ZCCHC7: variants seen among roughly 807,000 people sequenced by gnomAD.
ZCCHC7 encodes the protein zinc finger CCHC domain-containing protein 7.
ZCCHC7 carries 35 observed loss-of-function variants against 52.0 expected under a neutral mutation model. The ratio of observed to expected loss-of-function variants is 0.67; its 90% CI spans 0.51 to 0.89. The LOEUF is 0.89. Among genes scored for constraint, ZCCHC7 ranks in the 40% least tolerant of loss-of-function variants. The pLI, the probability that ZCCHC7 is intolerant of heterozygous loss-of-function variation, is 0.00. For missense variants in ZCCHC7, 574 were observed against 649.1 expected (o/e 0.88, Z 1.26); for synonymous variants, 217 against 221.5 (o/e 0.98, Z 0.18).
chr9:37,265,080 A>C (rs1827038906), intron 2 of ZCCHC7, among the ~76,000 whole-genome samples: 1 of 152,208 alleles, frequency 6.6e-6, no homozygotes, highest in African/African-American at 2.4e-5. Flanking sequence ...CTCCTGGTTA[A>C]GAACTACATC....
At chr9:37,222,804 C>T (rs577567099) in intron 2 of ZCCHC7, among the ~76,000 whole-genome samples, 8 of 152,090 alleles carry the variant, frequency 5.3e-5, no homozygotes, top group Non-Finnish European at 7.4e-5. Flanking sequence ...ATAAAGTACC[C>T]TTAATCTAAT....
At chr9:37,169,356 G>T (rs1588418920) in intron 2 of ZCCHC7, among the ~76,000 whole-genome samples, 1 of 152,310 alleles carries the variant, frequency 6.6e-6, no homozygotes, top group East Asian at 1.9e-4. Context: ...CAAATATGTT[G>T]TTAATAGAAT....
chr9:37,343,848 T>A (rs1291460300), intron 6 of ZCCHC7, among the ~76,000 whole-genome samples: 1 of 152,198 alleles, frequency 6.6e-6, no homozygotes, highest in African/African-American at 2.4e-5. Context: ...GGCCATATGG[T>A]CTCTGTTATA....
rs557573683 is a variant in ZCCHC7 at position 37,228,723 on chromosome 9, A to G, written c.611-73465A>G. Among the ~76,000 whole-genome samples the G allele has an allele frequency of 7.9e-5, 12 of 152,092 alleles. No individual in the cohort carries two copies. In the South Asian group the frequency reaches 2.3e-3, roughly 29 times the overall value. ...TTGATATAAGAAAATATGAATTTTT[A>G]TATGAATATAAACATGAATGCTTAT... On this transcript the variant is annotated intron_variant, in intron 2 of 8. Coordinates refer to ENST00000336755, the MANE Select transcript of ZCCHC7 (RefSeq NM_032226.3).
rs1210676372 is a variant in ZCCHC7, at chr9:37,282,036, T to C, written c.611-20152T>C. Among the ~76,000 whole-genome samples the C allele has an allele frequency of 3.9e-5, 6 of 152,218 alleles. No individual in the cohort carries two copies. In the East Asian group the frequency reaches 9.6e-4, roughly 24 times the overall value. On this transcript the variant is annotated intron_variant, in intron 2 of 8. Coordinates refer to ENST00000336755, the MANE Select transcript of ZCCHC7 (RefSeq NM_032226.3). ...TTTAATTCTCTTCTATCTTAAACCT[T>C]TTGAGAGCTGAGCAATAAGCTTTTC...
At position 37,126,489 on chromosome 9, in the gene ZCCHC7, G is replaced by C. The variant is rs757107201; in HGVS notation, c.157G>C (p.Glu53Gln). Residue 53 changes from glutamate to glutamine, a missense_variant, in exon 2 of 9, where the codon GAG (glutamate) becomes CAG (glutamine). Physicochemically the swap from Glu to Gln is conservative, Grantham distance 29. This residue lies in a region of ZCCHC7 where 403 missense variants were observed against 461.2 expected (regional missense o/e 0.87). Transcript: ENST00000336755. Reference sequence around the variant, plus strand: ...TCTTGATGATGTCATCAGGGAGGAAGAGCATGAAGAAAAGAACTCTGGGAA... The same window carrying C: ...TCTTGATGATGTCATCAGGGAGGAACAGCATGAAGAAAAGAACTCTGGGAA... ...QDLDDVIREEEHEEKNSGNSE... is the reference protein window; with the variant it reads ...QDLDDVIREEQHEEKNSGNSE... 5.6e-6 allele frequency: 9 copies of C among 1,613,574 alleles called. No individual in the cohort carries two copies. The East Asian group carries it at 6.7e-5, about 12-fold the overall frequency.
chr9:37,319,286 A>G (rs1829959307), intron 5 of ZCCHC7, among the ~76,000 whole-genome samples: 3 of 152,106 alleles, frequency 2.0e-5, no homozygotes, highest in Admixed American at 6.6e-5. Context: ...TCAGTTGGGT[A>G]TGTGATTTCA....
At chr9:37,155,353 C>T (rs1488682234) in intron 2 of ZCCHC7, among the ~76,000 whole-genome samples, 1 of 148,138 alleles carries the variant, frequency 6.8e-6, no homozygotes, top group Non-Finnish European at 1.5e-5. Context: ...GAGACTCCGT[C>T]TCAAAAAAAA....
chr9:37,352,619 A>G (rs1821456055), intron 7 of ZCCHC7, among the ~76,000 whole-genome samples: 1 of 147,510 alleles, frequency 6.8e-6, no homozygotes, highest in Non-Finnish European at 1.5e-5. Context: ...CCTAGGTTCA[A>G]GCTATTCCTA....
chr9:37,234,719 C>CT (rs1223207693), intron 2 of ZCCHC7, among the ~76,000 whole-genome samples: 6 of 151,950 alleles, frequency 3.9e-5, no homozygotes, highest in African/African-American at 1.4e-4. Flanking sequence ...TGTACACTTC[C>CT]TTTTTTTTAG....
intron 2 of ZCCHC7, among the ~76,000 whole-genome samples, chr9:37,173,103 C>G (rs972124250): frequency 6.6e-6 from 1 of 150,780 alleles, no homozygotes; most frequent in African/African-American, 2.4e-5. Context: ...CGTGGCCATT[C>G]CAATAGGGAC....
intron 5 of ZCCHC7, among the ~76,000 whole-genome samples, chr9:37,319,641 G>A (rs940552492): frequency 3.9e-5 from 6 of 152,100 alleles, no homozygotes; most frequent in South Asian, 2.1e-4. Flanking sequence ...GCCCAGGCTG[G>A]TCTTGAACTC....
At chr9:37,287,402 T>A (rs2133605286) in intron 2 of ZCCHC7, among the ~76,000 whole-genome samples, 1 of 152,262 alleles carries the variant, frequency 6.6e-6, no homozygotes. Context: ...TAATTTCCAA[T>A]CCCTCGTGCC....
intron 2 of ZCCHC7, among the ~76,000 whole-genome samples, chr9:37,226,311 C>G (rs772585844): frequency 2.0e-5 from 3 of 152,082 alleles, no homozygotes; most frequent in African/African-American, 7.2e-5. Context: ...AGAGTTATAT[C>G]ATGTTCATGG....
chr9:37,228,038 C>T (rs961312508), intron 2 of ZCCHC7, among the ~76,000 whole-genome samples: 1 of 152,152 alleles, frequency 6.6e-6, no homozygotes, highest in Non-Finnish European at 1.5e-5. Context: ...CTCAAGTGAT[C>T]CACCTGCGTC....
chr9:37,278,034 G>GTGTGTTTT (rs74182939), intron 2 of ZCCHC7, among the ~76,000 whole-genome samples: 1 of 142,860 alleles, frequency 7.0e-6, no homozygotes, highest in African/African-American at 2.6e-5. Context: ...GTGTGTGTGT[G>GTGTGTTTT]TGTTTTGTTT....
intron 2 of ZCCHC7, among the ~76,000 whole-genome samples, chr9:37,258,166 A>C (rs561921946): frequency 1.3e-5 from 2 of 152,276 alleles, no homozygotes; most frequent in East Asian, 3.9e-4. Context: ...TTTTATCATG[A>C]CTTTGAGCAC....
intron 2 of ZCCHC7, among the ~76,000 whole-genome samples, chr9:37,229,227 G>A (rs1481168725): frequency 1.3e-5 from 2 of 152,008 alleles, no homozygotes; most frequent in African/African-American, 2.4e-5. Context: ...CCAACAACAG[G>A]GGAGTAGTTA....
intron 5 of ZCCHC7, 82 bp from the exon 6 acceptor site, chr9:37,327,717 G>A: frequency 6.8e-7 from 1 of 1,471,860 alleles, no homozygotes. Context: ...CGACACCGGT[G>A]GATGCTGGGT....
Sources: allele counts gnomAD v4.1 joint callset (sites outside exome capture counted in the v4.1 genomes callset), GRCh38; gene constraint gnomAD v4.1.1; regional missense constraint gnomAD v4.1.1; transcripts MANE v1.5; gene names NCBI Gene and HGNC (gene_info 2026-07-23, HGNC 2026-07-21).